Variants in IQCB1 observed in about 807,000 individuals in gnomAD.
The protein encoded by IQCB1 is IQ motif containing B1.
Under a neutral mutation model 84.4 loss-of-function variants are expected in IQCB1, and 56 were observed. The observed-to-expected ratio is 0.66, with a 90% CI of 0.54 to 0.83. The LOEUF (loss-of-function observed/expected upper bound fraction) is 0.83. IQCB1 is among the 40% of genes least tolerant of loss of function. The pLI, the probability that IQCB1 is intolerant of heterozygous loss-of-function variation, is 0.00. For missense variants in IQCB1, 629 were observed against 682.1 expected, an observed-to-expected ratio of 0.92 and a Z score of 0.87; for synonymous variants, 210 against 234.8, an observed-to-expected ratio of 0.89 and a Z score of 0.96.
intron 7 of IQCB1, among the ~76,000 whole-genome samples, chr3:121,806,450 G>A (rs1007891387): frequency 2.6e-5 from 4 of 152,126 alleles, no homozygotes; most frequent in African/African-American, 7.2e-5. Context: ...AGTCTCAGCC[G>A]AGCTTGCTAG....
intron 9 of IQCB1, 108 bp from the exon 10 acceptor site, chr3:121,795,674 T>C (rs1949159447): frequency 2.8e-6 from 2 of 709,994 alleles, no homozygotes; most frequent in African/African-American, 3.6e-5. Context: ...TCTCTAGCTC[T>C]AACAAGATGG....
At chr3:121,824,638 A>C (rs1486862342) in intron 5 of IQCB1, among the ~76,000 whole-genome samples, 1 of 152,078 alleles carries the variant, frequency 6.6e-6, no homozygotes, top group African/African-American at 2.4e-5. Context: ...AGACCAGTTC[A>C]TAATGATAAT....
intron 7 of IQCB1, among the ~76,000 whole-genome samples, chr3:121,805,916 A>G (rs1009811636): frequency 2.6e-5 from 4 of 152,002 alleles, no homozygotes; most frequent in Admixed American, 2.6e-4. Context: ...CCAGACTCTG[A>G]GCTCTATCAC....
At chr3:121,827,079 A>G (rs1342505599) in intron 4 of IQCB1, among the ~76,000 whole-genome samples, 3 of 152,078 alleles carry the variant, frequency 2.0e-5, no homozygotes, top group Admixed American at 2.0e-4. Context: ...CTATGCAGCC[A>G]TAAAAAAGAA....
At chr3:121,803,513 T>C (rs144786808) in intron 7 of IQCB1, among the ~76,000 whole-genome samples, 1 of 90,942 alleles carries the variant, frequency 1.1e-5, no homozygotes, top group Non-Finnish European at 2.2e-5. Flanking sequence ...TTCAAATCTG[T>C]GGTCATACTA....
chr3:121,808,169 G>A (rs1354715917), intron 6 of IQCB1, among the ~76,000 whole-genome samples: 1 of 151,914 alleles, frequency 6.6e-6, no homozygotes, highest in African/African-American at 2.4e-5. Flanking sequence ...AGTTGCCTTT[G>A]GAAAATGGGA....
At chr3:121,818,624 A>C (rs1426932940) in intron 5 of IQCB1, among the ~76,000 whole-genome samples, 1 of 152,242 alleles carries the variant, frequency 6.6e-6, no homozygotes, top group Non-Finnish European at 1.5e-5. Flanking sequence ...AAAAACAAAC[A>C]AGAAAACAAG....
chr3:121,825,031 C>T (rs1195067323), intron 5 of IQCB1, among the ~76,000 whole-genome samples: 1 of 151,038 alleles, frequency 6.6e-6, no homozygotes, highest in Non-Finnish European at 1.5e-5. Flanking sequence ...TAAGATGGAA[C>T]TGTGCAAAAC....
intron 2 of IQCB1, among the ~76,000 whole-genome samples, chr3:121,831,398 T>G (rs1045767065): frequency 2.6e-5 from 4 of 152,066 alleles, no homozygotes; most frequent in Non-Finnish European, 5.9e-5. Flanking sequence ...CTCTGTAATA[T>G]CTTTATAATA....
In IQCB1 at chr3:121,790,340, T is replaced by C. The variant is rs112402790; in HGVS notation, c.987-125A>G. On this transcript the variant is annotated intron_variant, in intron 10 of 14. Transcript: ENST00000310864. The stretch of plus-strand genomic sequence containing the variant: ...AAGATAATTTCTAGTGTTAATAAGG[T>C]ATGATAAAATAGCTTGTCATCTGCT... 5.3e-6 allele frequency: 4 copies of C among 757,618 alleles called. No individual in the cohort carries two copies. The East Asian group carries it at 1.1e-4, about 20-fold the overall frequency. The allele number at this position is 757,618 out of a possible 1,614,324, so 46.9% of individuals were successfully genotyped here.
chr3:121,826,001 T>C, intron 5 of IQCB1, 50 bp downstream of exon 5: 1 of 1,500,874 alleles, frequency 6.7e-7, no homozygotes, highest in Non-Finnish European at 9.3e-7. Context: ...ACAGAACAGC[T>C]TCTTAAGAAT....
intron 10 of IQCB1, 31 bp downstream of exon 10, chr3:121,795,426 G>T: frequency 9.2e-7 from 1 of 1,084,724 alleles, no homozygotes; most frequent in Non-Finnish European, 1.4e-6. Context: ...AAGATTCTAT[G>T]ATCATCAATC....
intron 5 of IQCB1, among the ~76,000 whole-genome samples, chr3:121,814,269 T>C (rs571604507): frequency 6.6e-6 from 1 of 152,082 alleles, no homozygotes; most frequent in East Asian, 1.9e-4. Flanking sequence ...GCTAGAACAG[T>C]GTGTAGAGGG....
At chr3:121,831,219 C>A (rs1274727621) in intron 2 of IQCB1, among the ~76,000 whole-genome samples, 1 of 144,512 alleles carries the variant, frequency 6.9e-6, no homozygotes, top group Admixed American at 7.0e-5. Flanking sequence ...GTTGCCCAGG[C>A]TGGAGGACAA....
intron 7 of IQCB1, among the ~76,000 whole-genome samples, chr3:121,803,537 C>T (rs1431102193): frequency 6.6e-6 from 1 of 151,988 alleles, no homozygotes; most frequent in Non-Finnish European, 1.5e-5. Context: ...TTTTTGTCTA[C>T]TTATTCTATT....
At chr3:121,809,656 G>C (rs1158426619) in intron 5 of IQCB1, among the ~76,000 whole-genome samples, 3 of 151,964 alleles carry the variant, frequency 2.0e-5, no homozygotes, top group Admixed American at 2.0e-4. Context: ...TTCCTTTCTG[G>C]AAAGTAGGGT....
At chr3:121,786,973 A>C (rs931666110) in intron 12 of IQCB1, among the ~76,000 whole-genome samples, 1 of 152,198 alleles carries the variant, frequency 6.6e-6, no homozygotes, top group African/African-American at 2.4e-5. Flanking sequence ...CTTCCTCCAA[A>C]GGAAGTGTCT....
chr3:121,826,011 T>C, intron 5 of IQCB1, 40 bp downstream of exon 5: 1 of 1,554,022 alleles, frequency 6.4e-7, no homozygotes, highest in Non-Finnish European at 8.9e-7. Context: ...TTCTTAAGAA[T>C]TAAACTGATT....
At chr3:121,822,239 A>G (rs1559798245) in intron 5 of IQCB1, among the ~76,000 whole-genome samples, 2 of 152,194 alleles carry the variant, frequency 1.3e-5, no homozygotes, top group Admixed American at 6.5e-5. Flanking sequence ...ATAATTGCCA[A>G]TTCCTTATAA....
Sources: gnomAD v4.1 joint callset for allele counts (sites outside exome capture counted in the v4.1 genomes callset) on GRCh38, gnomAD v4.1.1 for gene constraint, MANE v1.5 for transcripts, NCBI Gene and HGNC (gene_info 2026-07-23, HGNC 2026-07-21) for gene names.